DENND2C: variants seen among roughly 807,000 people sequenced by gnomAD.
DENND2C encodes the protein DENN domain-containing protein 2C.
A neutral mutation model predicts 112.4 loss-of-function variants in DENND2C; 72 were observed. The ratio of observed to expected loss-of-function variants is 0.64; its 90% CI spans 0.53 to 0.78. The LOEUF is 0.78. Ranked by LOEUF, DENND2C falls within the 30% of genes least tolerant of loss-of-function variation. The pLI is 0.00. For missense variants in DENND2C, 992 were observed against 1,113.8 expected (o/e 0.89, Z 1.56); for synonymous variants, 329 against 381.6 (o/e 0.86, Z 1.61).
chr1:114,600,892 G>A lies in DENND2C; in HGVS notation c.1884C>T (p.Val628=). 1 of 1,614,028 alleles carries A rather than the reference G, an allele frequency of 6.2e-7. No homozygotes were observed. Among genetic ancestry groups the A allele is most frequent in the Admixed American group, 1.7e-5 (1 of 60,010 alleles). Residue 628 remains valine (V), a synonymous_variant, in exon 14 of 21, where the codon GTC becomes GTT. Coordinates refer to ENST00000393274, the MANE Select transcript of DENND2C (RefSeq NM_001256404.2). ...CAGGAGCTGGGAAAGGAGCTTCCAT[G>A]ACACTTCGCATGAATGGGTAAACAA... The part of the protein sequence containing the change: ...PALVYPFMRS[V]MEAPFPAPGR...
chr1:114,669,666 G>A (rs1198372490), intron 1 of DENND2C, among the ~76,000 whole-genome samples: 2 of 152,144 alleles, frequency 1.3e-5, no homozygotes, highest in Non-Finnish European at 1.5e-5. Flanking sequence ...CCCCAGCAGA[G>A]AGCGGCGCCC....
intron 2 of DENND2C, among the ~76,000 whole-genome samples, chr1:114,653,476 T>C (rs1657224773): frequency 6.6e-6 from 1 of 152,166 alleles, no homozygotes; most frequent in Non-Finnish European, 1.5e-5. Flanking sequence ...ATTATCCTTA[T>C]AACAAGACTC....
At position 114,583,240 on chromosome 1, in the gene DENND2C, T is replaced by C. The variant is rs1270032228; in HGVS notation, c.*2360A>G. 1 of 152,236 alleles carries C rather than the reference T, an allele frequency of 6.6e-6. No homozygotes were observed. The highest frequency in any genetic ancestry group is 1.5e-5 in the Non-Finnish European group (1 of 68,046). 9.4% of individuals were successfully genotyped at this position (152,236 alleles called of 1,614,324 possible). Reference sequence around the variant, plus strand: ...CCTGGACCCACATCTGTAGGAATTATATTATACAGCACCAGTCTTAAATGG... The same window carrying C: ...CCTGGACCCACATCTGTAGGAATTACATTATACAGCACCAGTCTTAAATGG... On this transcript the variant is annotated 3_prime_UTR_variant, in exon 21 of 21. Coordinates refer to ENST00000393274, the MANE Select transcript of DENND2C (RefSeq NM_001256404.2).
intron 3 of DENND2C, among the ~76,000 whole-genome samples, chr1:114,626,696 G>C (rs1191293565): frequency 3.3e-5 from 5 of 151,688 alleles, no homozygotes; most frequent in Non-Finnish European, 7.4e-5. Flanking sequence ...ATTTTTCGTA[G>C]AGACGGAGTT....
chr1:114,618,275 A>G (rs2101660980), intron 8 of DENND2C, 111 bp downstream of exon 8: 1 of 629,254 alleles, frequency 1.6e-6, no homozygotes, highest in East Asian at 3.5e-5. Flanking sequence ...GGTGTGAGCC[A>G]CCACGCCCGG....
At chr1:114,632,910 T>C (rs922933357) in intron 3 of DENND2C, among the ~76,000 whole-genome samples, 1 of 152,082 alleles carries the variant, frequency 6.6e-6, no homozygotes, top group Non-Finnish European at 1.5e-5. Flanking sequence ...GAAGAAAAAA[T>C]GATACCAGAT....
rs576167832 is a variant in DENND2C, at chr1:114,609,915, C to T, written c.1370-1042G>A. On this transcript the variant is annotated intron_variant, in intron 9 of 20. Transcript: ENST00000393274. ...GTTCAAGTCAAGAAAATTTTAGGTCCTGTTTCTCAGTAGTAACAGCCCTAA... is the reference window on the plus strand; with the variant it reads ...GTTCAAGTCAAGAAAATTTTAGGTCTTGTTTCTCAGTAGTAACAGCCCTAA... Among the ~76,000 whole-genome samples the T allele has an allele frequency of 7.2e-5, 11 of 152,282 alleles. No homozygotes were observed. The South Asian group carries it at 1.9e-3, about 26-fold the overall frequency.
chr1:114,649,739 T>C (rs1380538438), intron 2 of DENND2C, among the ~76,000 whole-genome samples: 1 of 151,900 alleles, frequency 6.6e-6, no homozygotes, highest in African/African-American at 2.4e-5. Flanking sequence ...CACTGAAAAA[T>C]AAAGGCAGCA....
rs570607774 is a variant in DENND2C at position 114,611,870 on chromosome 1, A to C, written c.1325-753T>G. ...AGATTAAGTTTGAAAAGTTAAAGCA[A>C]AATAGAAATACAAAGAAAGGGAAAA... On this transcript the variant is annotated intron_variant, in intron 8 of 20. Transcript: ENST00000393274. Among the ~76,000 whole-genome samples, 3 of 152,326 alleles carry C rather than the reference A, an allele frequency of 2.0e-5. No homozygotes were observed. The South Asian group carries it at 6.2e-4, about 32-fold the overall frequency.
At chr1:114,639,183 C>G (rs756661029) in intron 3 of DENND2C, among the ~76,000 whole-genome samples, 6 of 152,128 alleles carry the variant, frequency 3.9e-5, no homozygotes, top group Non-Finnish European at 8.8e-5. Context: ...AATGACAATA[C>G]AAAAGATTGG....
chr1:114,669,289 T>C (rs1281596942), intron 1 of DENND2C, among the ~76,000 whole-genome samples: 1 of 152,210 alleles, frequency 6.6e-6, no homozygotes, highest in Non-Finnish European at 1.5e-5. Context: ...CCCATAGGCA[T>C]GAACTTGCCA....
At chr1:114,665,483 T>A (rs1288879348) in intron 1 of DENND2C, among the ~76,000 whole-genome samples, 1 of 152,214 alleles carries the variant, frequency 6.6e-6, no homozygotes, top group South Asian at 2.1e-4. Context: ...TTCAACTTTA[T>A]GATGGTGCCA....
chr1:114,635,526 A>T (rs1165987270), intron 3 of DENND2C, among the ~76,000 whole-genome samples: 3 of 152,280 alleles, frequency 2.0e-5, no homozygotes, highest in Admixed American at 6.5e-5. Context: ...TTAACAAAAA[A>T]TAGGAGAAGA....
In DENND2C at chr1:114,594,475, T is replaced by G. The variant is rs1401773131; in HGVS notation, c.2429A>C (p.Gln810Pro). The G allele has an allele frequency of 3.1e-6, 5 of 1,613,388 alleles. No individual in the cohort carries two copies. The highest frequency in any genetic ancestry group is 1.7e-5 in the Admixed American group (1 of 60,010). ...TCCTTGGCTCACTTGTCTCATACCTTGTGAAAAATTCTGCTCCTGAGTCAA... is the reference window on the plus strand; with the variant it reads ...TCCTTGGCTCACTTGTCTCATACCTGGTGAAAAATTCTGCTCCTGAGTCAA... ...EILTQEQNFS[Q>P]DVTLNSLVSE... The change falls in exon 18 of 21, where the codon CAA becomes CCA. Residue 810 changes from glutamine (Q) to proline (P), a missense_variant and splice_region_variant. By Grantham distance (76) the Gln-to-Pro change is moderately conservative. Transcript: ENST00000393274.
Position 114,621,974 on chromosome 1 carries a change from G to C in DENND2C, c.1148C>G (p.Thr383Ser). 6.4e-7 allele frequency: 1 copy of C among 1,550,922 alleles called. No homozygotes were observed. The highest frequency in any genetic ancestry group is 1.2e-5 in the South Asian group (1 of 84,058). ...YLRSKLTKDT[T>S]LPVTLTEWKL... Reference sequence around the variant, plus strand: ...CCATTCCGTTAAAGTGACCGGCAAAGTTGTATCTTTTGTAAGCTTTGACCG... The same window carrying C: ...CCATTCCGTTAAAGTGACCGGCAAACTTGTATCTTTTGTAAGCTTTGACCG... Residue 383 changes from threonine (T) to serine (S), a missense_variant, in exon 7 of 21, where the codon ACT becomes AGT. Transcript: ENST00000393274.
chr1:114,592,123 G>A (rs1472974929), intron 18 of DENND2C, among the ~76,000 whole-genome samples: 2 of 151,948 alleles, frequency 1.3e-5, no homozygotes, highest in Admixed American at 1.3e-4. Flanking sequence ...GACCTCAAGT[G>A]ATCTGCCCAC....
intron 3 of DENND2C, among the ~76,000 whole-genome samples, chr1:114,629,141 A>G (rs1371128415): frequency 6.6e-6 from 1 of 152,238 alleles, no homozygotes; most frequent in Non-Finnish European, 1.5e-5. Context: ...ATTAAAAACT[A>G]TTGAAGTCAG....
At chr1:114,640,665 T>C (rs1279601805) in intron 3 of DENND2C, among the ~76,000 whole-genome samples, 1 of 152,198 alleles carries the variant, frequency 6.6e-6, no homozygotes, top group African/African-American at 2.4e-5. Flanking sequence ...CACGAATCTT[T>C]AAAGAAAATA....
At chr1:114,638,381 A>C (rs946491984) in intron 3 of DENND2C, among the ~76,000 whole-genome samples, 2 of 152,220 alleles carry the variant, frequency 1.3e-5, no homozygotes, top group Non-Finnish European at 1.5e-5. Context: ...TAGGACACAA[A>C]ACACATTAAC....
Sources: gnomAD v4.1 joint callset for allele counts (sites outside exome capture counted in the v4.1 genomes callset) on GRCh38, gnomAD v4.1.1 for gene constraint, MANE v1.5 for transcripts, NCBI Gene and HGNC (gene_info 2026-07-23, HGNC 2026-07-21) for gene names.